The following VTI1A variants were observed in gnomAD, a reference collection of about 807,000 sequenced individuals.
VTI1A encodes vesicle transport through interaction with t-SNAREs 1A, also known as vesicle transport through interaction with t-SNAREs homolog 1A.
Under a neutral mutation model 34.9 loss-of-function variants are expected in VTI1A, and 22 were observed. The ratio of observed to expected loss-of-function variants is 0.63; its 90% confidence interval spans 0.45 to 0.90. VTI1A has a LOEUF of 0.90. Among genes scored for constraint, VTI1A ranks in the 40% least tolerant of loss-of-function variants. The pLI, the probability that VTI1A is intolerant of heterozygous loss-of-function variation, is 0.00. For missense variants in VTI1A, 268 were observed against 275.6 expected (o/e 0.97, Z 0.20); for synonymous variants, 87 against 97.3 (o/e 0.89, Z 0.62).
intron 7 of VTI1A, among the ~76,000 whole-genome samples, chr10:112,797,856 G>T (rs1332477132): frequency 6.6e-6 from 1 of 152,176 alleles, no homozygotes; most frequent in African/African-American, 2.4e-5. Flanking sequence ...CTGTGGAATC[G>T]CCTATACATT....
At chr10:112,695,373 C>T (rs1375672704) in intron 7 of VTI1A, among the ~76,000 whole-genome samples, 1 of 146,768 alleles carries the variant, frequency 6.8e-6, no homozygotes, top group Non-Finnish European at 1.5e-5. Flanking sequence ...CTTCAAATGA[C>T]ATTTTTTTTT....
intron 7 of VTI1A, among the ~76,000 whole-genome samples, chr10:112,785,453 A>G (rs896638430): frequency 1.3e-5 from 2 of 152,066 alleles, no homozygotes; most frequent in African/African-American, 2.4e-5. Context: ...TCCCCACTCT[A>G]TGGCTTGTCT....
At chr10:112,509,552 G>C (rs1386052118) in intron 3 of VTI1A, among the ~76,000 whole-genome samples, 3 of 152,246 alleles carry the variant, frequency 2.0e-5, no homozygotes, top group African/African-American at 7.2e-5. Flanking sequence ...GACTCTGGAA[G>C]AGTTTACTAA....
chr10:112,811,018 C>T (rs952868685), intron 7 of VTI1A, among the ~76,000 whole-genome samples: 1 of 152,234 alleles, frequency 6.6e-6, no homozygotes, highest in Non-Finnish European at 1.5e-5. Flanking sequence ...ACCAGAGCCT[C>T]TCTTGGCTTG....
At chr10:112,474,995 G>A (rs150106485) in intron 3 of VTI1A, among the ~76,000 whole-genome samples, 19 of 152,314 alleles carry the variant, frequency 1.2e-4, no homozygotes, top group Middle Eastern at 3.4e-3. Flanking sequence ...CCTTCTGGGA[G>A]CTGATGTGTG....
the VTI1A span, among the ~76,000 whole-genome samples, chr10:112,854,898 A>G: frequency 6.6e-6 from 1 of 152,166 alleles, no homozygotes. Context: ...AGATGGTACC[A>G]GCTGGGGCTC....
At chr10:112,682,228 A>G (rs1023456344) in intron 7 of VTI1A, among the ~76,000 whole-genome samples, 2 of 152,178 alleles carry the variant, frequency 1.3e-5, no homozygotes, top group African/African-American at 4.8e-5. Context: ...CTCTTATTTT[A>G]TAGGGCTTTA....
intron 1 of VTI1A, among the ~76,000 whole-genome samples, chr10:112,454,866 A>T (rs1292910442): frequency 6.6e-6 from 1 of 152,102 alleles, no homozygotes; most frequent in Non-Finnish European, 1.5e-5. Context: ...TCAGGAAATA[A>T]TTTAGTATCT....
At chr10:112,529,001 T>G (rs1377744473) in intron 4 of VTI1A, among the ~76,000 whole-genome samples, 1 of 152,158 alleles carries the variant, frequency 6.6e-6, no homozygotes, top group African/African-American at 2.4e-5. Context: ...GTTCATATTT[T>G]CTGAATTTTT....
At chr10:112,800,769 A>G (rs1047450922) in intron 7 of VTI1A, among the ~76,000 whole-genome samples, 2 of 152,202 alleles carry the variant, frequency 1.3e-5, no homozygotes, top group Non-Finnish European at 2.9e-5. Context: ...GTAATTTCCA[A>G]TGAGAGACTA....
intron 7 of VTI1A, among the ~76,000 whole-genome samples, chr10:112,754,323 T>C (rs1319090872): frequency 6.6e-6 from 1 of 152,074 alleles, no homozygotes; most frequent in Non-Finnish European, 1.5e-5. Context: ...CCCCTTTCGA[T>C]TCAGACTCCC....
At chr10:112,538,184 G>GGCAAAAAAAAGAACATTGTA in intron 4 of VTI1A, 62 bp from the exon 5 acceptor site, 1 of 1,463,610 alleles carries the variant, frequency 6.8e-7, no homozygotes, top group Non-Finnish European at 9.4e-7. Flanking sequence ...TTTTTTTTAA[G>GGCAAAAAAAAGAACATTGTA]GCAAAAAAAA....
At position 112,611,737 on chromosome 10, in the gene VTI1A, A is replaced by ATTTTTTTTTTTTTTTTTTTTT. The variant is rs3057346; in HGVS notation, c.428-56479_428-56459dup. Among the ~76,000 whole-genome samples, 361 of 100,778 alleles carry ATTTTTTTTTTTTTTTTTTTTT rather than the reference A, an allele frequency of 3.6e-3. 18 individuals are homozygous for ATTTTTTTTTTTTTTTTTTTTT. The highest frequency in any genetic ancestry group is 4.1e-3 in the Non-Finnish European group (215 of 52,138). 66.1% of individuals were successfully genotyped at this position (100,778 alleles called of 152,430 possible). On this transcript the variant is annotated intron_variant, in intron 5 of 7. Transcript: ENST00000393077. ...TAAAGCCCATTTGGTGAGAAAGGTA[A>ATTTTTTTTTTTTTTTTTTTTT]TTTTTTTTTTTTTTTTTTTTTTGTG...
intron 7 of VTI1A, among the ~76,000 whole-genome samples, chr10:112,678,299 A>G (rs1241067163): frequency 1.3e-5 from 2 of 152,164 alleles, no homozygotes; most frequent in East Asian, 1.9e-4. Context: ...TTTTCCGTCA[A>G]TGCCTTCTTT....
intron 7 of VTI1A, among the ~76,000 whole-genome samples, 177 bp downstream of exon 7, chr10:112,669,175 A>G (rs911360605): frequency 3.9e-5 from 6 of 152,194 alleles, no homozygotes; most frequent in Admixed American, 3.3e-4. Flanking sequence ...ACAGGGACAC[A>G]TACTAACACA....
intron 7 of VTI1A, among the ~76,000 whole-genome samples, chr10:112,779,756 CG>C (rs1852058302): frequency 3.2e-5 from 4 of 125,164 alleles, no homozygotes; most frequent in Non-Finnish European, 5.2e-5. Flanking sequence ...TTAGAATAAT[CG>C]GAAAATAGGC....
intron 7 of VTI1A, among the ~76,000 whole-genome samples, chr10:112,670,084 A>T (rs540403393): frequency 6.6e-6 from 1 of 152,296 alleles, no homozygotes; most frequent in East Asian, 1.9e-4. Context: ...AGTACTATGT[A>T]AATGGCCTAA....
intron 7 of VTI1A, among the ~76,000 whole-genome samples, chr10:112,694,533 A>G (rs1848716535): frequency 6.6e-6 from 1 of 152,046 alleles, no homozygotes; most frequent in Non-Finnish European, 1.5e-5. Flanking sequence ...GAGAACTCTA[A>G]TGTCTGGAAG....
intron 7 of VTI1A, among the ~76,000 whole-genome samples, chr10:112,787,410 C>A (rs563929579): frequency 4.9e-4 from 75 of 152,048 alleles, no homozygotes; most frequent in South Asian, 1.0e-3. Context: ...CTGCTCTAAC[C>A]CTTACTCCTT....
Sources: allele counts gnomAD v4.1 joint callset (sites outside exome capture counted in the v4.1 genomes callset), GRCh38; gene constraint gnomAD v4.1.1; transcripts MANE v1.5; gene names NCBI Gene and HGNC (gene_info 2026-07-23, HGNC 2026-07-21).